The following DLGAP4 variants were observed in gnomAD, a reference collection of about 807,000 sequenced individuals.
The protein encoded by DLGAP4 is disks large-associated protein 4.
Under a neutral mutation model 86.9 loss-of-function variants are expected in DLGAP4, and 18 were observed. The observed-to-expected ratio is 0.21, with a 90% CI of 0.14 to 0.31. The LOEUF (loss-of-function observed/expected upper bound fraction) is 0.31, where lower values mean the gene tolerates loss of function less well. Among genes scored for constraint, DLGAP4 ranks in the 10% least tolerant of loss-of-function variants. The pLI is 1.00. For synonymous variants in DLGAP4, 548 were observed against 574.3 expected, an observed-to-expected ratio of 0.95 and a Z score of 0.65; for missense variants, 1,085 against 1,362.6, an observed-to-expected ratio of 0.80 and a Z score of 3.21.
At chr20:36,424,821 T>A (rs2032931515) in intron 2 of DLGAP4, among the ~76,000 whole-genome samples, 1 of 151,792 alleles carries the variant, frequency 6.6e-6, no homozygotes. Context: ...CTGCAACCTC[T>A]GCCTTTCAGA....
intron 7 of DLGAP4, among the ~76,000 whole-genome samples, chr20:36,479,691 A>G (rs905581760): frequency 1.3e-5 from 2 of 152,074 alleles, no homozygotes; most frequent in Non-Finnish European, 2.9e-5. Flanking sequence ...GAAGGGGGTG[A>G]TGGAGAGTTA....
chr20:36,432,182 C>G lies in DLGAP4; in HGVS notation c.465C>G (p.Pro155=). ...AGCGGCTTTTCTTCACCAAGGCACC[C>G]TCACTGGAGGGCACAGCGGGCAAGG... ...SVQRLFFTKA[P]SLEGTAGKVG... Residue 155 remains proline, a synonymous_variant, in exon 3 of 13, where the codon CCC becomes CCG. Transcript: ENST00000339266. The surrounding 1 kb of genome is among the most constrained non-coding windows in gnomAD (Gnocchi z 6.5). 6.2e-7 allele frequency: 1 copy of G among 1,614,190 alleles called. No individual in the cohort carries two copies. Among genetic ancestry groups the G allele is most frequent in the Non-Finnish European group, 8.5e-7 (1 of 1,180,050 alleles).
intron 10 of DLGAP4, among the ~76,000 whole-genome samples, chr20:36,509,313 A>T (rs948191020): frequency 3.9e-5 from 6 of 151,976 alleles, no homozygotes; most frequent in Non-Finnish European, 7.4e-5. Context: ...GCTCATGCTT[A>T]TAATCCCAGC....
At chr20:36,490,699 T>C (rs1468570316) in intron 7 of DLGAP4, among the ~76,000 whole-genome samples, 4 of 152,092 alleles carry the variant, frequency 2.6e-5, no homozygotes, top group Non-Finnish European at 5.9e-5. Context: ...CGCCTCTCCT[T>C]TGCCCCCTCA....
At chr20:36,476,883 G>T (rs991165533) in intron 7 of DLGAP4, among the ~76,000 whole-genome samples, 1 of 150,730 alleles carries the variant, frequency 6.6e-6, no homozygotes, top group Non-Finnish European at 1.5e-5. Flanking sequence ...AATAGAGACT[G>T]GGTTTCTCCA....
At chr20:36,481,049 G>A (rs2035163662) in intron 7 of DLGAP4, among the ~76,000 whole-genome samples, 1 of 152,176 alleles carries the variant, frequency 6.6e-6, no homozygotes, top group African/African-American at 2.4e-5. Context: ...AAGATGATGT[G>A]TGGTATCACG....
At chr20:36,525,602 A>G (rs181781852) in intron 11 of DLGAP4, 5 of 564,918 alleles carry the variant, frequency 8.9e-6, no homozygotes, top group African/African-American at 7.5e-5. Flanking sequence ...TAGCATACAC[A>G]TACATTAGGG....
intron 1 of DLGAP4, among the ~76,000 whole-genome samples, chr20:36,344,800 C>G (rs1335270312): frequency 6.6e-6 from 1 of 152,236 alleles, no homozygotes; most frequent in African/African-American, 2.4e-5. Flanking sequence ...TCCACCTCAT[C>G]TTGGCCGTGT....
At chr20:36,427,830 C>A (rs1470962755) in intron 2 of DLGAP4, among the ~76,000 whole-genome samples, 1 of 151,778 alleles carries the variant, frequency 6.6e-6, no homozygotes, top group Non-Finnish European at 1.5e-5. Context: ...ATAATCCCGG[C>A]TACTAGTTAG....
chr20:36,476,909 T>C (rs2034967611), intron 7 of DLGAP4, among the ~76,000 whole-genome samples: 2 of 151,122 alleles, frequency 1.3e-5, no homozygotes, highest in South Asian at 4.2e-4. Context: ...GTCGGGGTGA[T>C]CTCAAACTCC....
chr20:36,522,685 A>C (rs2037451163), intron 10 of DLGAP4, among the ~76,000 whole-genome samples: 1 of 151,982 alleles, frequency 6.6e-6, no homozygotes, highest in African/African-American at 2.4e-5. Flanking sequence ...CGCCTGGCTA[A>C]TTTTGTATTT....
chr20:36,356,122 C>T (rs1177662849), intron 1 of DLGAP4, among the ~76,000 whole-genome samples: 1 of 152,208 alleles, frequency 6.6e-6, no homozygotes, highest in African/African-American at 2.4e-5. Flanking sequence ...GGAGCAGACA[C>T]CCTGTGTGCA....
Position 36,432,497 on chromosome 20 carries a change from C to T in DLGAP4, c.780C>T (p.Asn260=), listed in dbSNP as rs891978037. 2.5e-6 allele frequency: 4 copies of T among 1,613,390 alleles called. No individual in the cohort carries two copies. The highest frequency in any genetic ancestry group is 4.5e-5 in the East Asian group (2 of 44,900). ...ACATGCTCAAAACCACCAAGAACAA[C>T]ACTACTGAGCTGACTGCCCCACCAC... is the stretch of plus-strand genomic sequence containing the variant. The part of the protein sequence containing the change: ...SGHMLKTTKN[N]TTELTAPPPP... Residue 260 remains asparagine (N), a synonymous_variant, in exon 3 of 13, where the codon AAC becomes AAT. Transcript: ENST00000339266. The surrounding 1 kb of genome is among the most constrained non-coding windows in gnomAD (Gnocchi z 6.5).
At position 36,341,612 on chromosome 20, in the gene DLGAP4, G is replaced by A. The variant is rs2065382283; in HGVS notation, c.-303-25433G>A. Among the ~76,000 whole-genome samples, 4 of 152,242 alleles carry A rather than the reference G, an allele frequency of 2.6e-5. No individual in the cohort carries two copies. In the South Asian group the frequency reaches 8.3e-4, roughly 31 times the overall value. On this transcript the variant is annotated intron_variant, in intron 1 of 12. Coordinates refer to ENST00000339266, the MANE Select transcript of DLGAP4 (RefSeq NM_001365621.2). The stretch of plus-strand genomic sequence containing the variant: ...GCAGGGGGCCACAGGCCTTGCTGAA[G>A]GGCACGCGGCTCCCGCGGGGAGGAG...
At position 36,431,729 on chromosome 20, in the gene DLGAP4, C is replaced by T. The variant is rs2033135048; in HGVS notation, c.12C>T (p.Leu4=). The stretch of plus-strand genomic sequence containing the variant: ...CTCGGCCCGGGATCATGAAAGGCCT[C>T]GGTGACAGCCGCCCCCGCCACCTCT... MKG[L]GDSRPRHLSD... Residue 4 remains leucine, a synonymous_variant, in exon 3 of 13, where the codon CTC becomes CTT. Coordinates refer to ENST00000339266, the MANE Select transcript of DLGAP4 (RefSeq NM_001365621.2). This position sits in a 1 kb window ranked among gnomAD's most constrained non-coding sequence, Gnocchi z 5.1. 5.6e-6 allele frequency: 9 copies of T among 1,595,774 alleles called. No homozygotes were observed. The highest frequency in any genetic ancestry group is 1.3e-5 in the African/African-American group (1 of 74,582).
intron 1 of DLGAP4, among the ~76,000 whole-genome samples, chr20:36,358,631 C>A (rs2030412654): frequency 6.6e-6 from 1 of 152,022 alleles, no homozygotes; most frequent in Non-Finnish European, 1.5e-5. Flanking sequence ...ACGGTGAAAC[C>A]CTGTCTCTAC....
Position 36,433,277 on chromosome 20 carries a change from C to T in DLGAP4, c.999+561C>T, listed in dbSNP as rs3787311. On this transcript the variant is annotated intron_variant, in intron 3 of 12. Transcript: ENST00000339266. ...AAGACATGGACGGTCATGTCAGTGTCGGCAGAGTGTGATGGGGATCAGCAC... is the reference window on the plus strand; with the variant it reads ...AAGACATGGACGGTCATGTCAGTGTTGGCAGAGTGTGATGGGGATCAGCAC... 1.2e-3 allele frequency among the ~76,000 whole-genome samples: 179 copies of T among 152,338 alleles called. 3 individuals are homozygous for T. The East Asian group carries it at 0.031, about 26-fold the overall frequency.
At chr20:36,464,475 C>T (rs6020840) in intron 7 of DLGAP4, among the ~76,000 whole-genome samples, 5,114 of 150,830 alleles carry the variant, frequency 0.034, 306 homozygotes, top group African/African-American at 0.12. Context: ...GGCAGGAGGA[C>T]AGCTTGAATC....
intron 3 of DLGAP4, among the ~76,000 whole-genome samples, chr20:36,433,120 C>T (rs1277133863): frequency 6.6e-6 from 1 of 152,116 alleles, no homozygotes; most frequent in African/African-American, 2.4e-5. Flanking sequence ...TCCCCAAGGC[C>T]CAGGACAGGA....
Sources: allele counts gnomAD v4.1 joint callset (sites outside exome capture counted in the v4.1 genomes callset), GRCh38; gene constraint gnomAD v4.1.1; non-coding constraint Gnocchi (gnomAD v3.1); transcripts MANE v1.5; gene names NCBI Gene and HGNC (gene_info 2026-07-23, HGNC 2026-07-21).